CASQ1: variants seen among roughly 807,000 people sequenced by gnomAD.
CASQ1 encodes calsequestrin-1.
In CASQ1, 40 loss-of-function variants were observed where a neutral mutation model predicts 49.5. That is an observed-to-expected ratio of 0.81 (90% CI 0.63 to 1.05). The LOEUF (loss-of-function observed/expected upper bound fraction) is 1.05. Among genes scored for constraint, CASQ1 ranks in the 50% least tolerant of loss-of-function variants. The probability of loss-of-function intolerance (pLI) is 0.00; values close to 1 mark genes in which losing one functional copy is unlikely to be tolerated. For missense variants in CASQ1, 469 were observed against 486.9 expected (o/e 0.96, Z 0.35); for synonymous variants, 174 against 187.2 (o/e 0.93, Z 0.58).
intron 4 of CASQ1, 102 bp downstream of exon 4, chr1:160,195,225 C>G: frequency 1.3e-6 from 1 of 771,970 alleles, no homozygotes; most frequent in Non-Finnish European, 2.2e-6. Flanking sequence ...TACCTCTGCA[C>G]TTCCCACCTC....
Position 160,190,607 on chromosome 1 carries a change from G to A in CASQ1, c.-145G>A. On this transcript the variant is annotated 5_prime_UTR_variant, in exon 1 of 11. In the 5' UTR this introduces an upstream ATG that the reference lacks. Coordinates refer to ENST00000368078, the MANE Select transcript of CASQ1 (RefSeq NM_001231.5). ...TCGGCAGTTTCTCCAGGACCCAGCA[G>A]TGCCCTCTGTCCACTGCTCTGGGCC... 6.9e-6 allele frequency: 5 copies of A among 720,264 alleles called. No individual in the cohort carries two copies. The highest frequency in any genetic ancestry group is 1.1e-5 in the Non-Finnish European group (5 of 444,390). 44.6% of individuals were successfully genotyped at this position (720,264 alleles called of 1,614,324 possible).
rs923421149 is a variant in CASQ1 at position 160,190,971 on chromosome 1, C to A, written c.220C>A (p.Pro74Thr). Residue 74 changes from proline to threonine, a missense_variant, in exon 1 of 11, where the codon CCC (proline) becomes ACC (threonine). Coordinates refer to ENST00000368078, the MANE Select transcript of CASQ1 (RefSeq NM_001231.5). ...YEVLALLYHE[P>T]PEDDKASQRQ... ...GGTGCTGGCACTCCTCTACCATGAA[C>A]CCCCCGAGGATGACAAGGCCTCACA... is the stretch of plus-strand genomic sequence containing the variant. 6.2e-7 allele frequency: 1 copy of A among 1,614,088 alleles called. No individual in the cohort carries two copies. Among genetic ancestry groups the A allele is most frequent in the Non-Finnish European group, 8.5e-7 (1 of 1,179,988 alleles).
At chr1:160,193,494 C>T (rs1654128402) in intron 2 of CASQ1, among the ~76,000 whole-genome samples, 1 of 152,108 alleles carries the variant, frequency 6.6e-6, no homozygotes, top group Non-Finnish European at 1.5e-5. Flanking sequence ...CCTCACCCTA[C>T]CTGATCCCCC....
At chr1:160,196,109 C>A in intron 6 of CASQ1, 82 bp downstream of exon 6, 1 of 1,418,830 alleles carries the variant, frequency 7.0e-7, no homozygotes, top group Non-Finnish European at 9.6e-7. Flanking sequence ...CTGGGGAAAG[C>A]TTAGCCAACC....
At chr1:160,192,448 T>G (rs1207519267) in intron 1 of CASQ1, among the ~76,000 whole-genome samples, 2 of 152,060 alleles carry the variant, frequency 1.3e-5, no homozygotes, top group Non-Finnish European at 2.9e-5. Flanking sequence ...AGGTGTGACT[T>G]GAGCAGGATG....
In CASQ1 at chr1:160,195,384, T is replaced by C. The variant is rs1454836092; in HGVS notation, c.578-77T>C. On this transcript the variant is annotated intron_variant, in intron 4 of 10. Transcript: ENST00000368078. ...CAAAATGAACCCTGCCTGCAAAGAATTGGGGACGATAGTGGGGGATGATTC... is the reference window on the plus strand; with the variant it reads ...CAAAATGAACCCTGCCTGCAAAGAACTGGGGACGATAGTGGGGGATGATTC... 14 of 1,353,526 alleles carry C rather than the reference T, an allele frequency of 1.0e-5. No individual in the cohort carries two copies. In the East Asian group the frequency reaches 1.1e-4, roughly 11 times the overall value. 83.8% of individuals were successfully genotyped at this position (1,353,526 alleles called of 1,614,324 possible).
rs1282894063 is a variant in CASQ1, at chr1:160,190,710, C to T, written c.-42C>T. The T allele has an allele frequency of 1.3e-6, 2 of 1,591,532 alleles. No individual in the cohort carries two copies. The highest frequency in any genetic ancestry group is 3.4e-5 in the Admixed American group (2 of 58,504). On this transcript the variant is annotated 5_prime_UTR_variant, in exon 1 of 11. Transcript: ENST00000368078. ...GGGGCCCCTCCCTACCCCAGCTAACCTCTTCTGGACCAGGAGAGCCAACCC... is the reference window on the plus strand; with the variant it reads ...GGGGCCCCTCCCTACCCCAGCTAACTTCTTCTGGACCAGGAGAGCCAACCC...
At position 160,195,000 on chromosome 1, in the gene CASQ1, C is replaced by T. The variant is rs1162364931; in HGVS notation, c.466-12C>T. The T allele has an allele frequency of 6.5e-7, 1 of 1,536,290 alleles. No individual in the cohort carries two copies. The highest frequency in any genetic ancestry group is 8.9e-7 in the Non-Finnish European group (1 of 1,122,760). ...ATAGAAACTCTCTTCCTGCAATGTC[C>T]TCCTCTTTCAGGTCCTAGAGGACCC... On this transcript the variant is annotated splice_polypyrimidine_tract_variant and intron_variant, in intron 3 of 10. Coordinates refer to ENST00000368078, the MANE Select transcript of CASQ1 (RefSeq NM_001231.5).
chr1:160,198,578 G>C (rs822450), intron 7 of CASQ1, 99 bp from the exon 8 acceptor site: 3 of 814,182 alleles, frequency 3.7e-6, no homozygotes, highest in Non-Finnish European at 6.1e-6. Context: ...ACAAAATTGA[G>C]GTTCAATGAA....
At chr1:160,194,882 C>CCA (rs1557814667) in intron 3 of CASQ1, 130 bp from the exon 4 acceptor site, 10 of 593,804 alleles carry the variant, frequency 1.7e-5, no homozygotes, top group African/African-American at 1.3e-4. Context: ...ATGCAATCCC[C>CCA]CACACACACA....
intron 7 of CASQ1, 117 bp downstream of exon 7, chr1:160,197,731 C>T (rs1654275944): frequency 1.3e-6 from 1 of 755,120 alleles, no homozygotes; most frequent in South Asian, 1.4e-5. Context: ...AAACAGTGCA[C>T]TGACCAGCTG....
intron 9 of CASQ1, among the ~76,000 whole-genome samples, chr1:160,199,358 T>G (rs1654318559): frequency 1.3e-5 from 2 of 152,198 alleles, no homozygotes; most frequent in South Asian, 4.1e-4. Flanking sequence ...GTATACACAC[T>G]CAATCATAGA....
At chr1:160,196,115 C>A in intron 6 of CASQ1, 88 bp downstream of exon 6, 1 of 1,372,668 alleles carries the variant, frequency 7.3e-7, no homozygotes, top group Non-Finnish European at 1.0e-6. Flanking sequence ...AAAGCTTAGC[C>A]AACCGGGAAG....
chr1:160,195,178 C>A, intron 4 of CASQ1, 55 bp downstream of exon 4: 2 of 1,062,176 alleles, frequency 1.9e-6, no homozygotes, highest in Non-Finnish European at 2.9e-6. Flanking sequence ...TCTCACCTGT[C>A]CTCCCACCTC....
Position 160,191,016 on chromosome 1 carries a change from G to C in CASQ1, c.265G>C (p.Glu89Gln), listed in dbSNP as rs1273875046. Residue 89 changes from glutamate (E) to glutamine (Q), a missense_variant, in exon 1 of 11, where the codon GAG (glutamate) becomes CAG (glutamine). By Grantham distance (29) the Glu-to-Gln change is conservative (BLOSUM62 2). Coordinates refer to ENST00000368078, the MANE Select transcript of CASQ1 (RefSeq NM_001231.5). The stretch of plus-strand genomic sequence containing the variant: ...CTCACAAAGACAATTTGAGATGGAG[G>C]AGCTGATCCTGGAGGTGAGTTGGGG... The part of the protein sequence containing the change: ...KASQRQFEME[E>Q]LILELAAQVL... The C allele has an allele frequency of 2.5e-6, 4 of 1,613,964 alleles. No homozygotes were observed. Among genetic ancestry groups the C allele is most frequent in the African/African-American group, 1.3e-5 (1 of 74,910 alleles).
At position 160,197,554 on chromosome 1, in the gene CASQ1, G is replaced by A. The variant is rs1218157518; in HGVS notation, c.783-15G>A. 7 of 1,602,582 alleles carry A rather than the reference G, an allele frequency of 4.4e-6. No individual in the cohort carries two copies. Among genetic ancestry groups the A allele is most frequent in the Non-Finnish European group, 6.0e-6 (7 of 1,169,606 alleles). On this transcript the variant is annotated splice_polypyrimidine_tract_variant and intron_variant, in intron 6 of 10. Coordinates refer to ENST00000368078, the MANE Select transcript of CASQ1 (RefSeq NM_001231.5). ...CTAACCCACTGAGTAATGACACTCT[G>A]TCTGTCTCTTCTAGATCAACCCTGA... is the stretch of plus-strand genomic sequence containing the variant.
At chr1:160,196,127 C>A in intron 6 of CASQ1, 100 bp downstream of exon 6, 2 of 1,213,432 alleles carry the variant, frequency 1.6e-6, no homozygotes, top group South Asian at 1.5e-5. Flanking sequence ...ACCGGGAAGC[C>A]AATCTTGCCT....
At position 160,199,903 on chromosome 1, in the gene CASQ1, T is replaced by C. The variant is rs1238615961; in HGVS notation, c.1037T>C (p.Ile346Thr). Reference protein sequence around the residue: ...TFDIDLSAPQIGVVNVTDADS... With the variant: ...TFDIDLSAPQTGVVNVTDADS... ...GACATCGACTTGTCAGCCCCACAAATAGGAGTCGTCAATGTTACTGATGTG... is the reference window on the plus strand; with the variant it reads ...GACATCGACTTGTCAGCCCCACAAACAGGAGTCGTCAATGTTACTGATGTG... The change falls in exon 10 of 11, where the codon ATA (isoleucine) becomes ACA (threonine). Residue 346 changes from isoleucine to threonine, a missense_variant. Physicochemically the swap from Ile to Thr is moderately conservative, Grantham distance 89. Transcript: ENST00000368078. 1 of 1,613,124 alleles carries C rather than the reference T, an allele frequency of 6.2e-7. No homozygotes were observed. Among genetic ancestry groups the C allele is most frequent in the Admixed American group, 1.7e-5 (1 of 60,020 alleles).
chr1:160,195,644 C>A, intron 5 of CASQ1, 110 bp downstream of exon 5: 1 of 946,014 alleles, frequency 1.1e-6, no homozygotes, highest in Non-Finnish European at 1.6e-6. Context: ...TGCTGGCACT[C>A]CCTACCTGCC....
Sources: gnomAD v4.1 joint callset for allele counts (sites outside exome capture counted in the v4.1 genomes callset) on GRCh38, gnomAD v4.1.1 for gene constraint, MANE v1.5 for transcripts, NCBI Gene and HGNC (gene_info 2026-07-23, HGNC 2026-07-21) for gene names.